Variants in SDK1 observed in about 807,000 individuals in gnomAD.
SDK1 encodes sidekick cell adhesion molecule 1, also known as protein sidekick-1.
A neutral mutation model predicts 245.5 loss-of-function variants in SDK1; 157 were observed. The observed-to-expected ratio is 0.64, with a 90% CI of 0.56 to 0.73. The LOEUF (loss-of-function observed/expected upper bound fraction) is 0.73, where lower values mean the gene tolerates loss of function less well. Among genes scored for constraint, SDK1 ranks in the 30% least tolerant of loss-of-function variants. SDK1 has a pLI of 0.00. For synonymous variants in SDK1, 1,647 were observed against 1,278.5 expected (o/e 1.29, Z -6.15); for missense variants, 3,583 against 3,002.3 (o/e 1.19, Z -4.52).
intron 1 of SDK1, among the ~76,000 whole-genome samples, chr7:3,428,696 T>C (rs1017660633): frequency 6.6e-6 from 1 of 152,174 alleles, no homozygotes; most frequent in African/African-American, 2.4e-5. Context: ...AATCCAATTA[T>C]TGTAAAGAGC....
chr7:4,262,019 T>A (rs1262373269), intron 44 of SDK1, among the ~76,000 whole-genome samples: 8 of 29,772 alleles, frequency 2.7e-4, no homozygotes, highest in South Asian at 1.1e-3. Flanking sequence ...TGCTTTCTCC[T>A]TTTTTTTTTT....
chr7:3,350,248 A>G (rs1780622888), intron 1 of SDK1, among the ~76,000 whole-genome samples: 1 of 152,144 alleles, frequency 6.6e-6, no homozygotes, highest in Non-Finnish European at 1.5e-5. Flanking sequence ...GTCACTTAAC[A>G]ATGAGTGTGG....
At chr7:3,889,566 G>T (rs1781409851) in intron 5 of SDK1, among the ~76,000 whole-genome samples, 2 of 152,102 alleles carry the variant, frequency 1.3e-5, no homozygotes. Context: ...GGAGTGCAGA[G>T]GAGCGATCTC....
chr7:3,477,524 T>C (rs1167443626), intron 1 of SDK1, among the ~76,000 whole-genome samples: 1 of 151,100 alleles, frequency 6.6e-6, no homozygotes, highest in African/African-American at 2.4e-5. Flanking sequence ...TTCTTTTTTT[T>C]TTTTTAAGAG....
At chr7:3,739,095 T>A (rs542358913) in intron 4 of SDK1, among the ~76,000 whole-genome samples, 1 of 152,344 alleles carries the variant, frequency 6.6e-6, no homozygotes, top group South Asian at 2.1e-4. Context: ...CTGTTTTTAT[T>A]TCTGAACTTT....
chr7:4,164,860 A>T (rs184154565), intron 32 of SDK1, among the ~76,000 whole-genome samples: 134 of 152,308 alleles, frequency 8.8e-4, no homozygotes, highest in African/African-American at 3.0e-3. Context: ...TTGCAAGAAG[A>T]CCAGAGCAGG....
chr7:3,797,822 A>G (rs1475029656), intron 4 of SDK1, among the ~76,000 whole-genome samples: 2 of 152,108 alleles, frequency 1.3e-5, no homozygotes, highest in Non-Finnish European at 2.9e-5. Context: ...TTCCTTTATT[A>G]TATATTAATG....
rs76443875 is a variant in SDK1 at position 4,069,683 on chromosome 7, C to G, written c.3010+1747C>G. 9.2e-3 allele frequency among the ~76,000 whole-genome samples: 1,407 copies of G among 152,332 alleles called. 24 individuals carry two copies. Among genetic ancestry groups the G allele is most frequent in the African/African-American group, 0.032 (1,334 of 41,572 alleles). On this transcript the variant is annotated intron_variant, in intron 20 of 44. Coordinates refer to ENST00000404826, the MANE Select transcript of SDK1 (RefSeq NM_152744.4). ...ACCAAGAGCCTCAGGTGATCTCTCC[C>G]TCCTGCCAGGCTGCAGGGTTGGGGG...
chr7:4,126,164 C>A (rs1784380606), intron 25 of SDK1, among the ~76,000 whole-genome samples: 2 of 152,194 alleles, frequency 1.3e-5, no homozygotes. Flanking sequence ...AGCAGCTCCT[C>A]CATGCTGTTT....
In SDK1 at chr7:4,130,041, G is replaced by T. The variant is rs1405867017; in HGVS notation, c.4073G>T (p.Arg1358Leu). ...LYELQVLAFT[R>L]IGNGVPSTPL... ...GAGCTCCAGGTGCTGGCGTTCACCC[G>T]CATCGGGAACGGGGTCCCCAGCACG... is the stretch of plus-strand genomic sequence containing the variant. The change falls in exon 27 of 45, where the codon CGC becomes CTC. Residue 1358 changes from arginine (R) to leucine (L), a missense_variant. Coordinates refer to ENST00000404826, the MANE Select transcript of SDK1 (RefSeq NM_152744.4). 1.2e-6 allele frequency: 2 copies of T among 1,613,048 alleles called. No individual in the cohort carries two copies. The highest frequency in any genetic ancestry group is 2.2e-5 in the East Asian group (1 of 44,816).
chr7:3,491,554 G>A (rs895565631), intron 1 of SDK1, among the ~76,000 whole-genome samples: 1 of 152,122 alleles, frequency 6.6e-6, no homozygotes, highest in African/African-American at 2.4e-5. Flanking sequence ...CATTGTGATC[G>A]CAGTCTTCTA....
intron 14 of SDK1, among the ~76,000 whole-genome samples, chr7:3,994,656 AAAG>A (rs1323397005): frequency 2.0e-5 from 3 of 150,702 alleles, no homozygotes; most frequent in Non-Finnish European, 4.4e-5. Flanking sequence ...AAAAAAAAAA[AAAG>A]AGAAAAACAT....
chr7:3,903,148 T>C (rs1483646020), intron 5 of SDK1, among the ~76,000 whole-genome samples: 1 of 129,264 alleles, frequency 7.7e-6, no homozygotes, highest in Admixed American at 8.1e-5. Context: ...TTTTTTGTTT[T>C]GTTTTTTTTT....
rs113221718 is a variant in SDK1 at position 4,029,095 on chromosome 7, C to T, written c.2602+11743C>T. Among the ~76,000 whole-genome samples, 11 of 71,126 alleles carry T rather than the reference C, an allele frequency of 1.5e-4. No homozygotes were observed. In the East Asian group the frequency reaches 4.2e-3, roughly 27 times the overall value. The allele number at this position is 71,126 out of a possible 152,430, so 46.7% of individuals were successfully genotyped here. On this transcript the variant is annotated intron_variant, in intron 17 of 44. Coordinates refer to ENST00000404826, the MANE Select transcript of SDK1 (RefSeq NM_152744.4). ...GGTCACTGAATTGATAGACCTTTTC[C>T]GAGGTGGGTGGGGGTCACTGAATTG...
chr7:3,478,525 T>TTAAA (rs1311164328), intron 1 of SDK1, among the ~76,000 whole-genome samples: 16 of 152,190 alleles, frequency 1.1e-4, no homozygotes, highest in Non-Finnish European at 1.6e-4. Context: ...AACTTTATTT[T>TTAAA]TAAAGTTGCA....
At chr7:3,383,182 TGGG>T (rs1781531839) in intron 1 of SDK1, among the ~76,000 whole-genome samples, 2 of 151,998 alleles carry the variant, frequency 1.3e-5, no homozygotes, top group African/African-American at 4.8e-5. Flanking sequence ...AAGGCTGAGG[TGGG>T]GGGATCAATT....
chr7:4,148,871 C>T (rs1263538968), intron 29 of SDK1, among the ~76,000 whole-genome samples: 5 of 152,178 alleles, frequency 3.3e-5, no homozygotes, highest in Non-Finnish European at 7.3e-5. Context: ...TCCTGGCCAA[C>T]ATGGTGAAAC....
chr7:3,858,753 A>C (rs1270637488), intron 5 of SDK1, among the ~76,000 whole-genome samples: 1 of 151,634 alleles, frequency 6.6e-6, no homozygotes, highest in African/African-American at 2.4e-5. Context: ...GCAAACATCA[A>C]CTAATAAATT....
intron 38 of SDK1, among the ~76,000 whole-genome samples, chr7:4,217,622 C>CGGAGCACCAGGCCACCT (rs1230182521): frequency 6.6e-6 from 1 of 151,154 alleles, no homozygotes; most frequent in African/African-American, 2.4e-5. Flanking sequence ...CCACACCACC[C>CGGAGCACCAGGCCACCT]GGAGCACCAG....
Sources: allele counts gnomAD v4.1 joint callset (sites outside exome capture counted in the v4.1 genomes callset), GRCh38; gene constraint gnomAD v4.1.1; transcripts MANE v1.5; gene names NCBI Gene and HGNC (gene_info 2026-07-23, HGNC 2026-07-21).